The following SAMMSON variants were observed in gnomAD, a reference collection of about 807,000 sequenced individuals.
The protein encoded by SAMMSON is long intergenic non-protein coding RNA 1212.
chr3:70,099,017 A>G (rs1002220695), intron 4 of SAMMSON, among the ~76,000 whole-genome samples: 1 of 152,172 alleles, frequency 6.6e-6, no homozygotes, highest in African/African-American at 2.4e-5. Context: ...TTAATTTTAA[A>G]TTTAAGAGAT....
rs112385751 is a variant in SAMMSON, at chr3:70,041,197, C to T, written n.417+27525C>T. 8.0e-3 allele frequency among the ~76,000 whole-genome samples: 1,216 copies of T among 152,142 alleles called. 6 individuals are homozygous for T. The highest frequency in any genetic ancestry group is 0.013 in the Non-Finnish European group (884 of 67,992). On this transcript the variant is annotated intron_variant and non_coding_transcript_variant, in intron 3 of 9. Coordinates refer to ENST00000642114, the Ensembl canonical transcript of SAMMSON. ...CAAAGTGTCCAGTGTAAAAAGTTCC[C>T]GCATTTGTGGAATTTCCAAAGACAT...
chr3:70,331,132 A>C (rs555991929), intron 7 of SAMMSON, among the ~76,000 whole-genome samples: 1 of 152,346 alleles, frequency 6.6e-6, no homozygotes, highest in South Asian at 2.1e-4. Context: ...TGAGCTCTAA[A>C]GATTATTTAA....
intron 6 of SAMMSON, among the ~76,000 whole-genome samples, chr3:70,282,098 T>A (rs1575614575): frequency 6.6e-6 from 1 of 152,112 alleles, no homozygotes; most frequent in South Asian, 2.1e-4. Flanking sequence ...GAAGGCTTTT[T>A]TATTCAGGTG....
chr3:70,380,815 T>C (rs1191497878), intron 9 of SAMMSON, among the ~76,000 whole-genome samples: 1 of 152,132 alleles, frequency 6.6e-6, no homozygotes, highest in Non-Finnish European at 1.5e-5. Context: ...GTCCTTGCGA[T>C]AGTTTGCTGA....
intron 4 of SAMMSON, among the ~76,000 whole-genome samples, chr3:70,186,495 T>G (rs2106708634): frequency 6.6e-6 from 1 of 152,234 alleles, no homozygotes; most frequent in Middle Eastern, 3.4e-3. Flanking sequence ...AAGCTGATCT[T>G]AAAATATTGG....
chr3:70,356,450 C>T (rs184676865), intron 8 of SAMMSON, among the ~76,000 whole-genome samples: 1 of 152,106 alleles, frequency 6.6e-6, no homozygotes, highest in Admixed American at 6.5e-5. Flanking sequence ...TATACCCTAA[C>T]CTGCCTAAAT....
intron 7 of SAMMSON, among the ~76,000 whole-genome samples, chr3:70,318,955 A>G (rs561141786): frequency 6.6e-6 from 1 of 152,208 alleles, no homozygotes; most frequent in East Asian, 1.9e-4. Context: ...CCCAAAGTGC[A>G]TAAGGAAATA....
At chr3:70,340,443 C>T (rs972328687) in intron 7 of SAMMSON, among the ~76,000 whole-genome samples, 3 of 151,890 alleles carry the variant, frequency 2.0e-5, no homozygotes, top group African/African-American at 7.2e-5. Context: ...AAATGTTGGC[C>T]TTTGGCTGGA....
rs141773955 is a variant in SAMMSON, at chr3:70,141,093, C to T, written n.507+69528C>T. Among the ~76,000 whole-genome samples the T allele has an allele frequency of 2.7e-3, 405 of 152,220 alleles. 5 individuals carry two copies. The highest frequency in any genetic ancestry group is 9.1e-3 in the African/African-American group (377 of 41,524). On this transcript the variant is annotated intron_variant and non_coding_transcript_variant, in intron 4 of 9. Coordinates refer to ENST00000642114, the Ensembl canonical transcript of SAMMSON. ...TCCAGCCTCAACGCATTACCCAATT[C>T]CAAAGCTGCTTCCACATTTCTAGGC...
At chr3:70,132,915 C>T (rs1279595066) in intron 4 of SAMMSON, among the ~76,000 whole-genome samples, 1 of 152,080 alleles carries the variant, frequency 6.6e-6, no homozygotes, top group African/African-American at 2.4e-5. Flanking sequence ...ATTCCCATCG[C>T]TGACTTAGAC....
At chr3:70,297,471 C>T (rs770618405) in intron 7 of SAMMSON, among the ~76,000 whole-genome samples, 1 of 151,952 alleles carries the variant, frequency 6.6e-6, no homozygotes, top group Non-Finnish European at 1.5e-5. Context: ...TCTCTGGTTA[C>T]TAATGACAAA....
At chr3:70,283,276 T>G (rs1291974939) in intron 6 of SAMMSON, among the ~76,000 whole-genome samples, 1 of 152,004 alleles carries the variant, frequency 6.6e-6, no homozygotes, top group Non-Finnish European at 1.5e-5. Flanking sequence ...TCTGATTGAT[T>G]GCTTTTTGGT....
At chr3:70,230,892 C>G (rs1165727067) in intron 4 of SAMMSON, among the ~76,000 whole-genome samples, 1 of 152,124 alleles carries the variant, frequency 6.6e-6, no homozygotes, top group African/African-American at 2.4e-5. Flanking sequence ...CTTAACAAAC[C>G]CAGCTCTGTT....
chr3:70,047,889 A>T (rs1447531000), intron 3 of SAMMSON, among the ~76,000 whole-genome samples: 1 of 152,058 alleles, frequency 6.6e-6, no homozygotes, highest in Admixed American at 6.6e-5. Context: ...ACCATTTTTT[A>T]TAGTGGCATT....
intron 2 of SAMMSON, among the ~76,000 whole-genome samples, chr3:70,416,899 G>C (rs913680368): frequency 1.3e-5 from 2 of 152,104 alleles, no homozygotes; most frequent in Non-Finnish European, 2.9e-5. Flanking sequence ...CCTGGAGTAA[G>C]CCATTGCTCA....
At chr3:70,135,667 CA>C (rs990555516) in intron 4 of SAMMSON, among the ~76,000 whole-genome samples, 3 of 152,170 alleles carry the variant, frequency 2.0e-5, no homozygotes, top group African/African-American at 7.2e-5. Context: ...CGGTTAATAT[CA>C]GTGCATATCC....
chr3:70,336,811 AGTTTGTGTGTGTGT>A (rs1195950608), intron 7 of SAMMSON, among the ~76,000 whole-genome samples: 1 of 103,282 alleles, frequency 9.7e-6, no homozygotes. Context: ...CATAATAGAA[AGTTTGTGTGTGTGT>A]GTGTGTGTGT....
At chr3:70,432,597 T>G (rs1701422938) in intron 2 of SAMMSON, among the ~76,000 whole-genome samples, 1 of 152,032 alleles carries the variant, frequency 6.6e-6, no homozygotes, top group Non-Finnish European at 1.5e-5. Context: ...GTTTCTCCTA[T>G]TTCTAACACC....
intron 9 of SAMMSON, among the ~76,000 whole-genome samples, chr3:70,368,343 T>C (rs961341497): frequency 1.3e-5 from 2 of 151,470 alleles, no homozygotes; most frequent in African/African-American, 2.4e-5. Flanking sequence ...TAAATAAAAC[T>C]ATATGAGCAG....
Sources: allele counts gnomAD v4.1 joint callset (sites outside exome capture counted in the v4.1 genomes callset), GRCh38; gene constraint gnomAD v4.1.1; transcripts MANE v1.5; gene names NCBI Gene and HGNC (gene_info 2026-07-23, HGNC 2026-07-21).